Variants in HSD17B12 observed in about 807,000 individuals in gnomAD.
The protein encoded by HSD17B12 is very-long-chain 3-oxoacyl-CoA reductase.
In HSD17B12, 32 loss-of-function variants were observed where a neutral mutation model predicts 39.3. The observed-to-expected ratio is 0.81, with a 90% CI of 0.61 to 1.09. The LOEUF is 1.09. Among genes scored for constraint, HSD17B12 ranks in the 50% least tolerant of loss-of-function variants. The pLI is 0.00. For missense variants in HSD17B12, 342 were observed against 382.9 expected (o/e 0.89, Z 0.89); for synonymous variants, 150 against 146.7 (o/e 1.02, Z -0.16).
chr11:43,786,791 T>A (rs756675620), intron 3 of HSD17B12, among the ~76,000 whole-genome samples: 50 of 152,364 alleles, frequency 3.3e-4, no homozygotes, highest in Non-Finnish European at 6.5e-4. Flanking sequence ...ATTGGATAAC[T>A]TAATGTTATT....
intron 9 of HSD17B12, among the ~76,000 whole-genome samples, chr11:43,849,651 A>G (rs1766767041): frequency 6.6e-6 from 1 of 152,204 alleles, no homozygotes; most frequent in Admixed American, 6.5e-5. Flanking sequence ...ACTCACCTGC[A>G]GGCTCAGCCT....
At chr11:43,578,499 C>T in the HSD17B12 span, among the ~76,000 whole-genome samples, 3 of 152,220 alleles carry the variant, frequency 2.0e-5, no homozygotes, top group Non-Finnish European at 4.4e-5. Flanking sequence ...CAGAATAACA[C>T]AAATAACGCT....
At chr11:43,583,911 C>T in the HSD17B12 span, among the ~76,000 whole-genome samples, 1 of 152,114 alleles carries the variant, frequency 6.6e-6, no homozygotes, top group Non-Finnish European at 1.5e-5. Context: ...GAAACTTTGT[C>T]CCCTGGGCCC....
chr11:43,561,685 CT>C, the HSD17B12 span, among the ~76,000 whole-genome samples: 58 of 151,124 alleles, frequency 3.8e-4, no homozygotes, highest in East Asian at 4.3e-3. Context: ...CACAAACACC[CT>C]TTTTTTTTGA....
At chr11:43,572,209 C>G in the HSD17B12 span, among the ~76,000 whole-genome samples, 10 of 152,170 alleles carry the variant, frequency 6.6e-5, no homozygotes, top group African/African-American at 9.7e-5. Context: ...CCACCACAAA[C>G]TGGTTGGTTT....
chr11:43,564,685 A>G, the HSD17B12 span, among the ~76,000 whole-genome samples: 1 of 152,188 alleles, frequency 6.6e-6, no homozygotes, highest in East Asian at 1.9e-4. Context: ...AAACATTAAC[A>G]ATTCTCTTGA....
rs141694371 is a variant in HSD17B12, at chr11:43,808,113, G to C, written c.392-7324G>C. 1.9e-3 allele frequency among the ~76,000 whole-genome samples: 284 copies of C among 152,268 alleles called. 2 individuals carry two copies. The highest frequency in any genetic ancestry group is 2.1e-3 in the Non-Finnish European group (143 of 68,018). On this transcript the variant is annotated intron_variant, in intron 4 of 10. Transcript: ENST00000278353. ...AGGAGCAAAGTCTGTTGAGAAAAAT[G>C]ATGATTTCACTTTGGGATATGTTAA... is the stretch of plus-strand genomic sequence containing the variant.
intron 1 of HSD17B12, among the ~76,000 whole-genome samples, chr11:43,685,949 G>A (rs996987232): frequency 6.6e-6 from 1 of 152,216 alleles, no homozygotes; most frequent in Non-Finnish European, 1.5e-5. Context: ...GGATCAAGTA[G>A]CTTGGGATTT....
the HSD17B12 span, among the ~76,000 whole-genome samples, chr11:43,627,508 A>C: frequency 2.3e-4 from 35 of 152,092 alleles, no homozygotes; most frequent in African/African-American, 7.9e-4. Context: ...TCATAGTATT[A>C]AAAAATCTGT....
chr11:43,683,658 T>C (rs1008748125), intron 1 of HSD17B12, among the ~76,000 whole-genome samples: 8 of 152,208 alleles, frequency 5.3e-5, no homozygotes, highest in Admixed American at 2.6e-4. Flanking sequence ...ACTAGTAAGT[T>C]TTTTCCCTAC....
chr11:43,722,569 A>G (rs540421536), intron 1 of HSD17B12, among the ~76,000 whole-genome samples: 1 of 151,920 alleles, frequency 6.6e-6, no homozygotes, highest in South Asian at 2.1e-4. Context: ...AGAATTGGCC[A>G]GGTGTGGTGG....
At position 43,855,499 on chromosome 11, in the gene HSD17B12, C is replaced by T. The variant is rs1031880757; in HGVS notation, c.*251C>T. 8.9e-6 allele frequency: 2 copies of T among 224,018 alleles called. No individual in the cohort carries two copies. The highest frequency in any genetic ancestry group is 2.3e-5 in the African/African-American group (1 of 43,862). The allele number at this position is 224,018 out of a possible 1,614,324, so 13.9% of individuals were successfully genotyped here. ...CAAATGAATATAGAACTAATATTGT[C>T]GGGAACACCTAATAGAAAGGAATAC... On this transcript the variant is annotated 3_prime_UTR_variant, in exon 11 of 11. Coordinates refer to ENST00000278353, the MANE Select transcript of HSD17B12 (RefSeq NM_016142.3).
rs1262286167 is a variant in HSD17B12 at position 43,817,044 on chromosome 11, A to ATC, written c.501+654_501+655insCT. Among the ~76,000 whole-genome samples the ATC allele has an allele frequency of 1.5e-3, 168 of 110,320 alleles. 1 individual carries two copies. The highest frequency in any genetic ancestry group is 4.0e-3 in the South Asian group (14 of 3,524). 72.4% of individuals were successfully genotyped at this position (110,320 alleles called of 152,430 possible). Reference sequence around the variant, plus strand: ...TATCTATATCTATATCTATATCTATATATATATATATATATCTCGTGGTTT... The same window carrying ATC: ...TATCTATATCTATATCTATATCTATATCTATATATATATATATCTCGTGGTTT... On this transcript the variant is annotated intron_variant, in intron 6 of 10. Coordinates refer to ENST00000278353, the MANE Select transcript of HSD17B12 (RefSeq NM_016142.3).
At chr11:43,822,398 A>G (rs947418517) in intron 6 of HSD17B12, among the ~76,000 whole-genome samples, 17 of 152,236 alleles carry the variant, frequency 1.1e-4, no homozygotes, top group East Asian at 1.9e-4. Context: ...TTTGTTACAT[A>G]TGTATACATG....
At chr11:43,799,297 A>T (rs985743794) in intron 4 of HSD17B12, among the ~76,000 whole-genome samples, 1 of 152,142 alleles carries the variant, frequency 6.6e-6, no homozygotes, top group Non-Finnish European at 1.5e-5. Flanking sequence ...TACTCTGTGG[A>T]GCTCTGCCCC....
At chr11:43,788,868 G>T (rs976212921) in intron 3 of HSD17B12, among the ~76,000 whole-genome samples, 1 of 152,104 alleles carries the variant, frequency 6.6e-6, no homozygotes, top group Non-Finnish European at 1.5e-5. Context: ...TTGGTTTAAT[G>T]CTCTGCTATT....
chr11:43,750,973 G>A lies in HSD17B12; in HGVS notation c.207+16G>A. 1 of 1,541,546 alleles carries A rather than the reference G, an allele frequency of 6.5e-7. No homozygotes were observed. The highest frequency in any genetic ancestry group is 8.9e-7 in the Non-Finnish European group (1 of 1,122,746). Reference sequence around the variant, plus strand: ...TGCAGAAGAGGTAGGTGATTTTCAAGATCTTTCCTTTTAATATAAAAAATA... The same window carrying A: ...TGCAGAAGAGGTAGGTGATTTTCAAAATCTTTCCTTTTAATATAAAAAATA... On this transcript the variant is annotated intron_variant, in intron 2 of 10. Transcript: ENST00000278353.
At chr11:43,702,797 G>A (rs916180428) in intron 1 of HSD17B12, among the ~76,000 whole-genome samples, 8 of 151,954 alleles carry the variant, frequency 5.3e-5, no homozygotes, top group African/African-American at 1.9e-4. Context: ...TAAAACATGA[G>A]ATTTTTTTTG....
chr11:43,812,171 G>A (rs1167403544), intron 4 of HSD17B12, among the ~76,000 whole-genome samples: 3 of 152,148 alleles, frequency 2.0e-5, no homozygotes, highest in Non-Finnish European at 4.4e-5. Context: ...GAATGATGCT[G>A]CAATAAACAC....
Sources: gnomAD v4.1 joint callset for allele counts (sites outside exome capture counted in the v4.1 genomes callset) on GRCh38, gnomAD v4.1.1 for gene constraint, MANE v1.5 for transcripts, NCBI Gene and HGNC (gene_info 2026-07-23, HGNC 2026-07-21) for gene names.